Variants in RAB3C observed in about 807,000 individuals in gnomAD.
RAB3C encodes the protein ras-related protein Rab-3C.
In RAB3C, 17 loss-of-function variants were observed where a neutral mutation model predicts 26.4. The ratio of observed to expected loss-of-function variants is 0.64; its 90% CI spans 0.44 to 0.97. The LOEUF (loss-of-function observed/expected upper bound fraction) is 0.97, where lower values mean the gene tolerates loss of function less well. Ranked by LOEUF, RAB3C falls within the 50% of genes least tolerant of loss-of-function variation. The probability of loss-of-function intolerance (pLI) is 0.00; values close to 1 mark genes in which losing one functional copy is unlikely to be tolerated. For synonymous variants in RAB3C, 91 were observed against 95.9 expected, an observed-to-expected ratio of 0.95 and a Z score of 0.30; for missense variants, 242 against 281.9, an observed-to-expected ratio of 0.86 and a Z score of 1.01.
intron 3 of RAB3C, among the ~76,000 whole-genome samples, chr5:58,814,294 A>G (rs529146972): frequency 6.6e-6 from 1 of 151,788 alleles, no homozygotes; most frequent in Non-Finnish European, 1.5e-5. Context: ...GGAAATCCCA[A>G]CTCTCCCATA....
chr5:58,697,824 C>T (rs981378330), intron 2 of RAB3C, among the ~76,000 whole-genome samples: 7 of 152,258 alleles, frequency 4.6e-5, no homozygotes, highest in African/African-American at 1.4e-4. Context: ...CGTCTTTGCA[C>T]ATGAGATGGG....
At chr5:58,647,674 G>C (rs190109399) in intron 2 of RAB3C, 1 of 152,202 alleles carries the variant, frequency 6.6e-6, no homozygotes, top group Non-Finnish European at 1.5e-5. Flanking sequence ...AGCCTCACAA[G>C]AATATCTGAG....
At chr5:58,710,066 G>C (rs76586929) in intron 2 of RAB3C, among the ~76,000 whole-genome samples, 3,564 of 152,214 alleles carry the variant, frequency 0.023, 133 homozygotes, top group African/African-American at 0.081. Context: ...TTTCCCAAAT[G>C]CCAGACAAAT....
intron 1 of RAB3C, among the ~76,000 whole-genome samples, chr5:58,608,602 A>G (rs1579814227): frequency 6.6e-6 from 1 of 152,236 alleles, no homozygotes; most frequent in Non-Finnish European, 1.5e-5. Flanking sequence ...AGTGTAAATT[A>G]ATTTAACCAT....
In RAB3C at chr5:58,597,762, TATA is replaced by T. The variant is rs1561261230; in HGVS notation, c.24+14532_24+14534del. Among the ~76,000 whole-genome samples, 899 of 112,350 alleles carry T rather than the reference TATA, an allele frequency of 8.0e-3. 171 individuals are homozygous for T. The highest frequency in any genetic ancestry group is 0.032 in the African/African-American group (828 of 26,142). 73.7% of individuals were successfully genotyped at this position (112,350 alleles called of 152,430 possible). A position where few individuals can be genotyped will look rare whatever the true frequency, so the allele number is the denominator to read the frequency against. ...ACATATAATACATTATATATAAGTA[TATA>T]ACATATAATACATTATATATAAGTA... On this transcript the variant is annotated intron_variant, in intron 1 of 4. Transcript: ENST00000282878.
intron 2 of RAB3C, chr5:58,689,141 A>G (rs1748509670): frequency 6.6e-6 from 1 of 152,188 alleles, no homozygotes; most frequent in African/African-American, 2.4e-5. Flanking sequence ...CACAGGTAGC[A>G]TGGCTACTAT....
Position 58,583,242 on chromosome 5 carries a change from T to C in RAB3C, c.24+10T>C. On this transcript the variant is annotated intron_variant, in intron 1 of 4. Coordinates refer to ENST00000282878, the MANE Select transcript of RAB3C (RefSeq NM_138453.4). ...CGAAGCGCCCATGCAGGTGGGTCCA[T>C]AAAGAAAGAGTGGCCTCGGGAGGAA... The C allele has an allele frequency of 6.2e-7, 1 of 1,614,118 alleles. No homozygotes were observed. Among genetic ancestry groups the C allele is most frequent in the South Asian group, 1.1e-5 (1 of 91,074 alleles).
chr5:58,642,837 A>C (rs953920211), intron 2 of RAB3C, among the ~76,000 whole-genome samples: 1 of 152,222 alleles, frequency 6.6e-6, no homozygotes, highest in African/African-American at 2.4e-5. Context: ...AAAGCTAATG[A>C]ACTATTTTAT....
chr5:58,712,068 A>T (rs1289306220), intron 2 of RAB3C, among the ~76,000 whole-genome samples: 1 of 152,176 alleles, frequency 6.6e-6, no homozygotes, highest in East Asian at 1.9e-4. Flanking sequence ...CCCTCAGCCC[A>T]TCAAAATCTA....
At chr5:58,593,114 A>G (rs1408609060) in intron 1 of RAB3C, among the ~76,000 whole-genome samples, 1 of 151,894 alleles carries the variant, frequency 6.6e-6, no homozygotes, top group African/African-American at 2.4e-5. Flanking sequence ...TTTCCTTTAT[A>G]TTTGTCAGAT....
intron 1 of RAB3C, among the ~76,000 whole-genome samples, chr5:58,588,751 G>C (rs1746064442): frequency 6.6e-6 from 1 of 152,048 alleles, no homozygotes; most frequent in African/African-American, 2.4e-5. Flanking sequence ...TCCAGACTCT[G>C]ATCTGTTTGT....
chr5:58,605,901 A>G (rs1746555862), intron 1 of RAB3C, among the ~76,000 whole-genome samples: 1 of 152,172 alleles, frequency 6.6e-6, no homozygotes, highest in Admixed American at 6.5e-5. Context: ...GTGAAACTCC[A>G]TCTCAAAAAA....
intron 2 of RAB3C, among the ~76,000 whole-genome samples, chr5:58,679,051 C>T (rs1465485993): frequency 6.6e-6 from 1 of 152,126 alleles, no homozygotes; most frequent in Admixed American, 6.6e-5. Flanking sequence ...TCTTCCACCC[C>T]AATGATGCAA....
intron 3 of RAB3C, among the ~76,000 whole-genome samples, chr5:58,821,077 G>A (rs1743329957): frequency 2.0e-5 from 3 of 152,194 alleles, no homozygotes; most frequent in Non-Finnish European, 1.5e-5. Flanking sequence ...GCAGTAGGAT[G>A]TACTGGCCCA....
At chr5:58,622,695 T>C (rs1746962977) in intron 2 of RAB3C, among the ~76,000 whole-genome samples, 1 of 152,202 alleles carries the variant, frequency 6.6e-6, no homozygotes, top group African/African-American at 2.4e-5. Flanking sequence ...ACCCATAAAA[T>C]AAGCACTTTA....
intron 2 of RAB3C, among the ~76,000 whole-genome samples, chr5:58,656,068 A>G (rs1747766122): frequency 6.6e-6 from 1 of 152,072 alleles, no homozygotes; most frequent in East Asian, 1.9e-4. Flanking sequence ...TACAAGCGTG[A>G]GCCACCGCGC....
At position 58,620,292 on chromosome 5, in the gene RAB3C, C is replaced by T. The variant is rs541788719; in HGVS notation, c.252+2422C>T. ...AATCCAATTTCTTCCTCTTTAGGTA[C>T]ATTAGGAGCTCTTAAGGCACATCTG... On this transcript the variant is annotated intron_variant, in intron 2 of 4. Transcript: ENST00000282878. 5.3e-5 allele frequency among the ~76,000 whole-genome samples: 8 copies of T among 152,244 alleles called. No individual in the cohort carries two copies. In the South Asian group the frequency reaches 1.7e-3, roughly 32 times the overall value.
chr5:58,798,150 G>C (rs1036638205), intron 3 of RAB3C, among the ~76,000 whole-genome samples: 3 of 152,044 alleles, frequency 2.0e-5, no homozygotes, highest in Non-Finnish European at 4.4e-5. Flanking sequence ...ATGACACATA[G>C]AAAATCACAA....
At chr5:58,767,116 G>A (rs541062261) in intron 3 of RAB3C, among the ~76,000 whole-genome samples, 7 of 152,290 alleles carry the variant, frequency 4.6e-5, no homozygotes, top group Middle Eastern at 3.4e-3. Context: ...CCCAGGGAAA[G>A]CAAAATTCTG....
Sources: gnomAD v4.1 joint callset for allele counts (sites outside exome capture counted in the v4.1 genomes callset) on GRCh38, gnomAD v4.1.1 for gene constraint, MANE v1.5 for transcripts, NCBI Gene and HGNC (gene_info 2026-07-23, HGNC 2026-07-21) for gene names.